WDR72: variants seen among roughly 807,000 people sequenced by gnomAD.
WDR72 encodes the protein WD repeat-containing protein 72.
In WDR72, 120 loss-of-function variants were observed where a neutral mutation model predicts 124.2. That is an observed-to-expected ratio of 0.97 (90% CI 0.83 to 1.12). The LOEUF (loss-of-function observed/expected upper bound fraction) is 1.12. WDR72 is among the 50% of genes most tolerant of loss of function. The pLI, the probability that WDR72 is intolerant of heterozygous loss-of-function variation, is 0.00. For missense variants in WDR72, 1,387 were observed against 1,278.8 expected (o/e 1.08, Z -1.29); for synonymous variants, 452 against 441.7 (o/e 1.02, Z -0.29).
chr15:53,533,930 G>A (rs1222176389), intron 18 of WDR72, among the ~76,000 whole-genome samples: 1 of 152,044 alleles, frequency 6.6e-6, no homozygotes, highest in African/African-American at 2.4e-5. Context: ...TATTTGGCCT[G>A]TGTTATACTT....
chr15:53,615,078 A>T (rs2013698619), intron 15 of WDR72, among the ~76,000 whole-genome samples: 2 of 152,000 alleles, frequency 1.3e-5, no homozygotes, highest in South Asian at 4.1e-4. Flanking sequence ...ATGGATTTCA[A>T]GACGTATATG....
intron 18 of WDR72, among the ~76,000 whole-genome samples, chr15:53,527,605 C>T (rs984783457): frequency 2.0e-5 from 3 of 151,902 alleles, no homozygotes; most frequent in South Asian, 2.1e-4. Flanking sequence ...AGATCTCATT[C>T]GTCATCTGTA....
chr15:53,733,008 G>A lies in WDR72; in HGVS notation c.142C>T (p.His48Tyr), dbSNP rs2018246141. The A allele has an allele frequency of 6.2e-7, 1 of 1,614,040 alleles. No individual in the cohort carries two copies. ...TAGCTTTCACTAACCTTTAGTTCATGTGAGAGATTCCAGAGACAGAGCTGA... is the reference window on the plus strand; with the variant it reads ...TAGCTTTCACTAACCTTTAGTTCATATGAGAGATTCCAGAGACAGAGCTGA... ...EGQLCLWNLS[H>Y]ELKISAKELL... The change falls in exon 2 of 20, where the codon CAT becomes TAT. Residue 48 changes from histidine to tyrosine, a missense_variant. His to Tyr is a moderately conservative substitution (Grantham distance 83). Transcript: ENST00000360509.
chr15:53,687,070 A>C (rs1276103366), intron 13 of WDR72, among the ~76,000 whole-genome samples: 1 of 150,776 alleles, frequency 6.6e-6, no homozygotes, highest in Non-Finnish European at 1.5e-5. Context: ...CACTGTGTAG[A>C]GGGAAATTTA....
In WDR72 at chr15:53,705,176, A is replaced by C. The variant is rs766398307; in HGVS notation, c.1160T>G (p.Met387Arg). ...GAAATAGTCAATAATACTTTGTGAC[A>C]TAGTATCATGCTTATCAAAATTATC... ...LQDNFDKHDT[M>R]SQSIIDYFSG... The change falls in exon 11 of 20, where the codon ATG (methionine) becomes AGG (arginine). Residue 387 changes from methionine (M) to arginine (R), a missense_variant. By Grantham distance (91) the Met-to-Arg change is moderately conservative. Coordinates refer to ENST00000360509, the MANE Select transcript of WDR72 (RefSeq NM_182758.4). The C allele has an allele frequency of 6.8e-6, 11 of 1,614,090 alleles. No individual in the cohort carries two copies. Among genetic ancestry groups the C allele is most frequent in the Non-Finnish European group, 9.3e-6 (11 of 1,180,016 alleles).
chr15:53,517,868 G>A, intron 19 of WDR72, 114 bp from the exon 20 acceptor site: 1 of 973,668 alleles, frequency 1.0e-6, no homozygotes, highest in Non-Finnish European at 1.6e-6. Flanking sequence ...CAGAAAGGAA[G>A]AAGGGAGAGA....
At chr15:53,543,288 A>T (rs1012086157) in intron 18 of WDR72, among the ~76,000 whole-genome samples, 1 of 150,954 alleles carries the variant, frequency 6.6e-6, no homozygotes, top group Non-Finnish European at 1.5e-5. Flanking sequence ...GATTATAACA[A>T]ACTATCTCTC....
intron 18 of WDR72, among the ~76,000 whole-genome samples, chr15:53,559,259 C>T (rs945496838): frequency 6.6e-6 from 1 of 151,640 alleles, no homozygotes; most frequent in South Asian, 2.1e-4. Context: ...AGAAAGAGTC[C>T]TCATTCGCAA....
intron 3 of WDR72, among the ~76,000 whole-genome samples, chr15:53,719,721 G>C (rs904394200): frequency 6.6e-6 from 1 of 152,136 alleles, no homozygotes; most frequent in Admixed American, 6.5e-5. Context: ...CTTTGGAAAC[G>C]CAAGTTACTA....
intron 13 of WDR72, among the ~76,000 whole-genome samples, chr15:53,675,028 T>C (rs1291704170): frequency 2.6e-5 from 4 of 152,206 alleles, no homozygotes; most frequent in East Asian, 3.9e-4. Flanking sequence ...TTTCAACACA[T>C]TTTAAACTAG....
intron 12 of WDR72, among the ~76,000 whole-genome samples, chr15:53,700,327 C>T (rs911563705): frequency 1.3e-5 from 2 of 152,184 alleles, no homozygotes; most frequent in Non-Finnish European, 2.9e-5. Context: ...CAAGCTTAGG[C>T]CCAAGGGTAT....
upstream of WDR72, among the ~76,000 whole-genome samples, chr15:53,761,860 C>G (rs2019069465): frequency 8.4e-6 from 1 of 119,626 alleles, no homozygotes; most frequent in South Asian, 2.8e-4. Flanking sequence ...ACCCACAAAA[C>G]AAAAAATGCA....
chr15:53,737,942 C>T (rs2018403941), intron 1 of WDR72, among the ~76,000 whole-genome samples: 2 of 152,196 alleles, frequency 1.3e-5, no homozygotes, highest in Admixed American at 6.5e-5. Flanking sequence ...AGGATTAATA[C>T]CATTTAGGAA....
intron 18 of WDR72, among the ~76,000 whole-genome samples, chr15:53,543,947 C>G (rs1296816117): frequency 9.2e-5 from 14 of 151,986 alleles, no homozygotes; most frequent in African/African-American, 3.4e-4. Flanking sequence ...TACACTCTCC[C>G]AAGACTGAAC....
intron 2 of WDR72, 125 bp from the exon 3 acceptor site, chr15:53,723,033 A>T: frequency 1.2e-6 from 1 of 840,464 alleles, no homozygotes; most frequent in Non-Finnish European, 2.0e-6. Flanking sequence ...AAGTTTTAAG[A>T]AAACTGATAT....
At chr15:53,719,805 C>T (rs920755478) in intron 3 of WDR72, among the ~76,000 whole-genome samples, 1 of 152,170 alleles carries the variant, frequency 6.6e-6, no homozygotes, top group Admixed American at 6.5e-5. Flanking sequence ...ACAAACTCTG[C>T]AGGTGATTCT....
intron 18 of WDR72, among the ~76,000 whole-genome samples, chr15:53,566,747 TA>T (rs869142505): frequency 6.6e-6 from 1 of 151,970 alleles, no homozygotes; most frequent in Non-Finnish European, 1.5e-5. Context: ...ACCATATTTT[TA>T]AAAAATCACT....
intron 13 of WDR72, among the ~76,000 whole-genome samples, chr15:53,689,866 C>T (rs1020974301): frequency 9.9e-5 from 15 of 151,794 alleles, no homozygotes; most frequent in Non-Finnish European, 2.2e-4. Flanking sequence ...CACGTATACA[C>T]CATGGAATAC....
intron 18 of WDR72, among the ~76,000 whole-genome samples, chr15:53,561,367 T>C (rs1044972762): frequency 2.0e-5 from 3 of 151,678 alleles, no homozygotes; most frequent in Non-Finnish European, 4.4e-5. Flanking sequence ...ATATCCCAAA[T>C]ATAAATATAT....
Sources: allele counts gnomAD v4.1 joint callset (sites outside exome capture counted in the v4.1 genomes callset), GRCh38; gene constraint gnomAD v4.1.1; transcripts MANE v1.5; gene names NCBI Gene and HGNC (gene_info 2026-07-23, HGNC 2026-07-21).